Variants in RLIG1 observed in about 807,000 individuals in gnomAD.
The protein encoded by RLIG1 is RNA 5'-phosphate and 3'-OH ligase 1, also known as RNA ligase 1.
chr12:88,036,703 G>C, the RLIG1 span, among the ~76,000 whole-genome samples: 1 of 152,154 alleles, frequency 6.6e-6, no homozygotes, highest in Non-Finnish European at 1.5e-5. Context: ...TGTCACAGCT[G>C]TTACAGTTAA....
At chr12:88,048,210 C>A in the RLIG1 span, 1 of 1,508,266 alleles carries the variant, frequency 6.6e-7, no homozygotes, top group Non-Finnish European at 8.9e-7. Flanking sequence ...TATGCTAAAG[C>A]TAATACCTTT....
chr12:88,044,593 G>C, the RLIG1 span: 1 of 152,180 alleles, frequency 6.6e-6, no homozygotes, highest in African/African-American at 2.4e-5. Context: ...GAACTAACAG[G>C]AATGAATACA....
chr12:88,045,755 A>G, the RLIG1 span: 1 of 1,613,004 alleles, frequency 6.2e-7, no homozygotes, highest in South Asian at 1.1e-5. Flanking sequence ...ACTCATAGGA[A>G]CAAATATCAA....
chr12:88,035,760 G>T, the RLIG1 span: 2 of 1,573,120 alleles, frequency 1.3e-6, no homozygotes, highest in East Asian at 2.4e-5. Context: ...CGCCGGGCAG[G>T]CTTGGCGGCC....
the RLIG1 span, chr12:88,045,928 T>C: frequency 4.8e-5 from 30 of 629,622 alleles, no homozygotes; most frequent in Middle Eastern, 1.3e-3. Context: ...CTGTTAACTT[T>C]ACATTCACAG....
chr12:88,036,831 A>G, the RLIG1 span, among the ~76,000 whole-genome samples: 1 of 152,082 alleles, frequency 6.6e-6, no homozygotes, highest in Non-Finnish European at 1.5e-5. Flanking sequence ...TTGTAGCAGT[A>G]ATTGGCTTTT....
At chr12:88,047,007 T>C in the RLIG1 span, 1 of 1,561,854 alleles carries the variant, frequency 6.4e-7, no homozygotes, top group South Asian at 1.2e-5. Context: ...GGTGGGGTTA[T>C]GTCATCTTAT....
the RLIG1 span, chr12:88,046,779 A>G: frequency 5.1e-6 from 8 of 1,575,096 alleles, no homozygotes; most frequent in South Asian, 8.3e-5. Context: ...TTAAATGAAT[A>G]TGGCTAATGG....
the RLIG1 span, among the ~76,000 whole-genome samples, chr12:88,047,996 T>C: frequency 3.3e-5 from 5 of 152,138 alleles, no homozygotes; most frequent in East Asian, 3.9e-4. Context: ...TTCCAGGTGC[T>C]GGACATACAC....
At chr12:88,036,290 A>C in the RLIG1 span, among the ~76,000 whole-genome samples, 2 of 152,142 alleles carry the variant, frequency 1.3e-5, no homozygotes, top group Non-Finnish European at 2.9e-5. Flanking sequence ...CGTGTTTTCC[A>C]TAGTGTGCCC....
the RLIG1 span, among the ~76,000 whole-genome samples, chr12:88,047,320 G>C: frequency 6.6e-6 from 1 of 152,056 alleles, no homozygotes; most frequent in Non-Finnish European, 1.5e-5. Context: ...TGAGTAAAAA[G>C]AGTGCCAAGG....
the RLIG1 span, among the ~76,000 whole-genome samples, chr12:88,047,640 G>C: frequency 6.6e-6 from 1 of 151,962 alleles, no homozygotes; most frequent in Non-Finnish European, 1.5e-5. Context: ...TCCAAAAATA[G>C]TATCTTTCAG....
the RLIG1 span, chr12:88,042,698 A>T: frequency 9.4e-6 from 5 of 531,836 alleles, no homozygotes; most frequent in African/African-American, 2.0e-5. Context: ...ATATTCTTAG[A>T]CTCCATATTT....
chr12:88,035,607 T>C, the RLIG1 span: 1 of 1,563,852 alleles, frequency 6.4e-7, no homozygotes, highest in African/African-American at 1.4e-5. Context: ...CGGGCGCCGC[T>C]CGAAAGCACG....
the RLIG1 span, among the ~76,000 whole-genome samples, chr12:88,041,399 C>T: frequency 6.6e-6 from 1 of 152,194 alleles, no homozygotes; most frequent in Non-Finnish European, 1.5e-5. Flanking sequence ...AATAATGCCA[C>T]TGTAAACAGG....
the RLIG1 span, chr12:88,045,555 CAA>C: frequency 6.5e-7 from 1 of 1,539,720 alleles, no homozygotes; most frequent in Non-Finnish European, 8.9e-7. Flanking sequence ...GATCTAATAA[CAA>C]ATAATTTTCT....
chr12:88,042,886 TA>T, the RLIG1 span: 1 of 1,573,502 alleles, frequency 6.4e-7, no homozygotes, highest in East Asian at 2.4e-5. Flanking sequence ...AAAAAAGATT[TA>T]AAAATTTTCT....
chr12:88,048,435 A>ATTAGT, the RLIG1 span: 1 of 1,283,852 alleles, frequency 7.8e-7, no homozygotes, highest in East Asian at 2.6e-5. Flanking sequence ...TGCAAATAAA[A>ATTAGT]TTAGTTTATC....
the RLIG1 span, chr12:88,040,359 C>A: frequency 1.5e-6 from 1 of 672,754 alleles, no homozygotes; most frequent in Non-Finnish European, 2.4e-6. Flanking sequence ...TCTTCATAAA[C>A]ACTTGGAAAC....
Sources: allele counts gnomAD v4.1 joint callset (sites outside exome capture counted in the v4.1 genomes callset), GRCh38; gene constraint gnomAD v4.1.1; transcripts MANE v1.5; gene names NCBI Gene and HGNC (gene_info 2026-07-23, HGNC 2026-07-21).